DNER: variants seen among roughly 807,000 people sequenced by gnomAD.
DNER encodes delta/notch like EGF repeat containing.
DNER carries 33 observed loss-of-function variants against 78.2 expected under a neutral mutation model. That is an observed-to-expected ratio of 0.42 (90% confidence interval 0.32 to 0.56). DNER has a LOEUF of 0.56. DNER is among the 20% of genes least tolerant of loss of function. The pLI, the probability that DNER is intolerant of heterozygous loss-of-function variation, is 0.11. For synonymous variants in DNER, 417 were observed against 384.8 expected (o/e 1.08, Z -0.98); for missense variants, 918 against 975.3 (o/e 0.94, Z 0.78).
chr2:229,567,891 G>T (rs926112563), intron 4 of DNER, among the ~76,000 whole-genome samples: 1 of 152,080 alleles, frequency 6.6e-6, no homozygotes, highest in Non-Finnish European at 1.5e-5. Context: ...GTCTTGTACC[G>T]CTATCTGATC....
At chr2:229,597,234 A>C (rs892359556) in intron 1 of DNER, among the ~76,000 whole-genome samples, 2 of 152,262 alleles carry the variant, frequency 1.3e-5, no homozygotes, top group African/African-American at 4.8e-5. Context: ...TTGTTTCATT[A>C]ACAATGGCAG....
intron 10 of DNER, among the ~76,000 whole-genome samples, chr2:229,405,734 AG>A (rs1693365547): frequency 1.3e-5 from 2 of 152,204 alleles, no homozygotes; most frequent in Admixed American, 6.5e-5. Flanking sequence ...ACAGACCTTC[AG>A]GAAAATTTCT....
intron 8 of DNER, among the ~76,000 whole-genome samples, chr2:229,440,929 T>C (rs1266649481): frequency 6.6e-6 from 1 of 152,348 alleles, no homozygotes; most frequent in Admixed American, 6.5e-5. Context: ...ATCTCTATCT[T>C]TTCATCTCTT....
At chr2:229,411,344 G>A (rs6436864) in intron 9 of DNER, among the ~76,000 whole-genome samples, 41,916 of 151,998 alleles carry the variant, frequency 0.28, 6,012 homozygotes, top group South Asian at 0.36. Flanking sequence ...ATCACTTGAG[G>A]TCAGGAGTTC....
intron 1 of DNER, among the ~76,000 whole-genome samples, chr2:229,649,038 C>G (rs181089569): frequency 1.7e-3 from 262 of 152,326 alleles, no homozygotes; most frequent in Non-Finnish European, 2.6e-3. Flanking sequence ...CCTGAAGTCA[C>G]TACATTTAAC....
intron 1 of DNER, among the ~76,000 whole-genome samples, chr2:229,709,095 G>A (rs1030833403): frequency 3.3e-5 from 5 of 152,124 alleles, no homozygotes; most frequent in Non-Finnish European, 5.9e-5. Context: ...GTTCATTGAA[G>A]GAAGACAATC....
intron 10 of DNER, among the ~76,000 whole-genome samples, chr2:229,394,162 T>C (rs1219471886): frequency 2.0e-5 from 3 of 152,130 alleles, no homozygotes; most frequent in Admixed American, 2.0e-4. Flanking sequence ...CTCTAAGGAT[T>C]CCAGTTTATG....
At chr2:229,697,235 G>T (rs139407740) in intron 1 of DNER, among the ~76,000 whole-genome samples, 18 of 152,310 alleles carry the variant, frequency 1.2e-4, no homozygotes, top group Non-Finnish European at 2.2e-4. Flanking sequence ...CTAAGTGAAA[G>T]ATGCCAGACA....
intron 6 of DNER, among the ~76,000 whole-genome samples, chr2:229,490,257 G>C (rs1220382981): frequency 1.3e-5 from 2 of 152,186 alleles, no homozygotes; most frequent in Admixed American, 6.5e-5. Context: ...GAAAATTGAA[G>C]AGGGAGTACA....
chr2:229,504,119 C>T (rs1048111969), intron 6 of DNER, among the ~76,000 whole-genome samples: 23 of 152,194 alleles, frequency 1.5e-4, no homozygotes, highest in Admixed American at 7.9e-4. Flanking sequence ...TGTGTATGTG[C>T]ATGCACACAT....
chr2:229,495,535 C>A (rs1695483519), intron 6 of DNER, among the ~76,000 whole-genome samples: 1 of 152,156 alleles, frequency 6.6e-6, no homozygotes, highest in African/African-American at 2.4e-5. Context: ...AAGAAAAGAC[C>A]AATGTCCCAG....
chr2:229,480,732 T>C (rs1451716317), intron 6 of DNER, among the ~76,000 whole-genome samples: 1 of 152,254 alleles, frequency 6.6e-6, no homozygotes, highest in Non-Finnish European at 1.5e-5. Context: ...AACAGAGTTG[T>C]CACACTGAAA....
At chr2:229,531,265 G>C (rs1271659729) in intron 5 of DNER, among the ~76,000 whole-genome samples, 3 of 152,270 alleles carry the variant, frequency 2.0e-5, no homozygotes, top group Middle Eastern at 3.4e-3. Flanking sequence ...TCAACTCAAC[G>C]AAGTGACGTG....
intron 7 of DNER, among the ~76,000 whole-genome samples, chr2:229,460,746 G>A (rs1024320916): frequency 1.3e-5 from 2 of 152,080 alleles, no homozygotes; most frequent in African/African-American, 4.8e-5. Flanking sequence ...GCATGTTACA[G>A]GTTTGTTGAT....
rs188936164 is a variant in DNER, at chr2:229,487,905, G to A, written c.1148-10652C>T. Among the ~76,000 whole-genome samples the A allele has an allele frequency of 3.2e-3, 494 of 152,324 alleles. 1 individual carries two copies. The highest frequency in any genetic ancestry group is 0.011 in the African/African-American group (449 of 41,578). ...CCCAGGCTAGCCTCACTGATGTGCC[G>A]GGGAAACAAGGCTAGGCTAGGGCCC... On this transcript the variant is annotated intron_variant, in intron 6 of 12. Coordinates refer to ENST00000341772, the MANE Select transcript of DNER (RefSeq NM_139072.4).
intron 4 of DNER, among the ~76,000 whole-genome samples, chr2:229,581,395 C>T (rs187278340): frequency 2.0e-5 from 3 of 152,152 alleles, no homozygotes; most frequent in East Asian, 1.9e-4. Flanking sequence ...CCCCGAGAAG[C>T]GGGCAATGTT....
chr2:229,374,608 A>G (rs1279138180), intron 11 of DNER, among the ~76,000 whole-genome samples: 1 of 152,144 alleles, frequency 6.6e-6, no homozygotes, highest in African/African-American at 2.4e-5. Context: ...CCTTCATTTT[A>G]TATAGGAAGC....
Position 229,447,545 on chromosome 2 carries a change from G to A in DNER, c.1262-5C>T, listed in dbSNP as rs10490182. 119,862 of 1,612,214 alleles carry A rather than the reference G, an allele frequency of 0.074. 5,254 individuals carry two copies. Among genetic ancestry groups the A allele is most frequent in the Non-Finnish European group, 0.088 (103,815 of 1,179,244 alleles). On this transcript the variant is annotated splice_polypyrimidine_tract_variant and splice_region_variant and intron_variant, in intron 7 of 12. Transcript: ENST00000341772. ...CACAAGCAGATCCGAAGTATCCTGTGAAAAAACACATGAGAGCTTAAAAAA... is the reference window on the plus strand; with the variant it reads ...CACAAGCAGATCCGAAGTATCCTGTAAAAAAACACATGAGAGCTTAAAAAA...
chr2:229,466,549 CT>C (rs141000784), intron 7 of DNER, among the ~76,000 whole-genome samples: 16,087 of 152,162 alleles, frequency 0.11, 1,054 homozygotes, highest in South Asian at 0.22. Context: ...TGTCACACCC[CT>C]GATCATACTG....
Sources: gnomAD v4.1 joint callset for allele counts (sites outside exome capture counted in the v4.1 genomes callset) on GRCh38, gnomAD v4.1.1 for gene constraint, MANE v1.5 for transcripts, NCBI Gene and HGNC (gene_info 2026-07-23, HGNC 2026-07-21) for gene names.